STK10: variants seen among roughly 807,000 people sequenced by gnomAD.
The protein encoded by STK10 is serine/threonine kinase 10.
A neutral mutation model predicts 113.8 loss-of-function variants in STK10; 78 were observed. That is an observed-to-expected ratio of 0.69 (90% CI 0.57 to 0.83). STK10 has a LOEUF of 0.83. Ranked by LOEUF, STK10 falls within the 40% of genes least tolerant of loss-of-function variation. The probability of loss-of-function intolerance (pLI) is 0.00; values close to 1 mark genes in which losing one functional copy is unlikely to be tolerated. For missense variants in STK10, 1,109 were observed against 1,280.1 expected, an observed-to-expected ratio of 0.87 and a Z score of 2.04; for synonymous variants, 465 against 494.7, an observed-to-expected ratio of 0.94 and a Z score of 0.80.
At chr5:172,136,808 T>C (rs10074664) in intron 2 of STK10, among the ~76,000 whole-genome samples, 15,097 of 151,262 alleles carry the variant, frequency 0.1, 2,553 homozygotes, top group African/African-American at 0.35. Context: ...CTGTCTTTCA[T>C]GAGAGCCTTT....
At chr5:172,083,539 T>C (rs764403542) in intron 10 of STK10, among the ~76,000 whole-genome samples, 5 of 152,240 alleles carry the variant, frequency 3.3e-5, no homozygotes, top group African/African-American at 7.2e-5. Context: ...AATAAGCTTA[T>C]GTTTTTTGAC....
At chr5:172,081,146 T>C (rs1213599659) in intron 12 of STK10, among the ~76,000 whole-genome samples, 1 of 151,680 alleles carries the variant, frequency 6.6e-6, no homozygotes, top group Non-Finnish European at 1.5e-5. Flanking sequence ...AGGTTAGGAG[T>C]TTGAGACCAG....
intron 10 of STK10, among the ~76,000 whole-genome samples, chr5:172,089,538 G>A (rs1451535595): frequency 6.6e-6 from 1 of 152,000 alleles, no homozygotes; most frequent in African/African-American, 2.4e-5. Flanking sequence ...AGACGGAAAG[G>A]TAGATAGGGA....
At chr5:172,070,972 C>G (rs1488135983) in intron 12 of STK10, among the ~76,000 whole-genome samples, 1 of 151,836 alleles carries the variant, frequency 6.6e-6, no homozygotes, top group Non-Finnish European at 1.5e-5. Flanking sequence ...CTTTGGGAGG[C>G]TGAGGCGGGC....
intron 6 of STK10, among the ~76,000 whole-genome samples, chr5:172,105,974 C>G (rs958874135): frequency 6.6e-6 from 1 of 152,232 alleles, no homozygotes. Flanking sequence ...TGAGGAGACT[C>G]AGCAGTGCCG....
At position 172,055,749 on chromosome 5, in the gene STK10, G is replaced by A. The variant is rs772765671; in HGVS notation, c.2365C>T (p.Gln789Ter). The A allele has an allele frequency of 6.5e-7, 1 of 1,538,684 alleles. No individual in the cohort carries two copies. Among genetic ancestry groups the A allele is most frequent in the East Asian group, 2.4e-5 (1 of 41,512 alleles). ...ACCTTCAGCTGCTCTATCATGCGCT[G>A]GTTGTAGCGCTGCATCTGCTCCCGC... ...KEREQMQRYN[Q>*]RMIEQLKVRQ... The change falls in exon 16 of 19, where the codon CAG becomes TAG. Residue 789 changes from glutamine to a stop codon, truncating the protein, a stop_gained. Transcript: ENST00000176763. LOFTEE classifies it high-confidence loss of function.
chr5:172,154,865 A>T (rs1337137170), intron 2 of STK10, among the ~76,000 whole-genome samples: 1 of 152,148 alleles, frequency 6.6e-6, no homozygotes, highest in Admixed American at 6.6e-5. Context: ...ACCTCACAGA[A>T]TGAAGATTAA....
chr5:172,057,897 T>C (rs1767845162), intron 14 of STK10, among the ~76,000 whole-genome samples: 1 of 152,178 alleles, frequency 6.6e-6, no homozygotes, highest in Non-Finnish European at 1.5e-5. Context: ...ACTGCATCTC[T>C]ACCTTCCTGA....
intron 1 of STK10, among the ~76,000 whole-genome samples, chr5:172,169,233 T>C (rs1009744491): frequency 1.6e-4 from 25 of 152,180 alleles, no homozygotes; most frequent in African/African-American, 6.0e-4. Context: ...CCCCTGGGCA[T>C]CTGCATCACA....
Position 172,091,431 on chromosome 5 carries a change from G to A in STK10, c.1555-1069C>T, listed in dbSNP as rs117964165. 3.4e-4 allele frequency among the ~76,000 whole-genome samples: 52 copies of A among 152,146 alleles called. 1 individual carries two copies. The South Asian group carries it at 5.8e-3, about 17-fold the overall frequency. ...TGGAGGTGTTTGTGTGTCATAATAC[G>A]TGGTACCCTCTGGAAGTTCTCAGCT... On this transcript the variant is annotated intron_variant, in intron 9 of 18. Coordinates refer to ENST00000176763, the MANE Select transcript of STK10 (RefSeq NM_005990.4).
At chr5:172,073,156 T>A (rs903724899) in intron 12 of STK10, among the ~76,000 whole-genome samples, 1 of 151,864 alleles carries the variant, frequency 6.6e-6, no homozygotes. Flanking sequence ...TTTATTTATT[T>A]ATTTATTTTT....
At chr5:172,045,304 C>T (rs1767472769) in intron 18 of STK10, 2 of 579,398 alleles carry the variant, frequency 3.5e-6, no homozygotes, top group Non-Finnish European at 3.2e-6. Flanking sequence ...AAAGCAGATG[C>T]AAATCCCCTG....
rs761628876 is a variant in STK10 at position 172,093,739 on chromosome 5, G to C, written c.1227C>G (p.Pro409=). ...TTGACACGGGTCGGGACTTCCGCAG[G>C]GGCACAGGCACTGCCAGGCCGTTCT... ...GNENGLAVPV[P]LRKSRPVSMD... is the part of the protein sequence containing the mutation. The change falls in exon 9 of 19, where the codon CCC becomes CCG. Residue 409 remains proline, a synonymous_variant. Transcript: ENST00000176763. This position sits in a 1 kb window ranked among gnomAD's most constrained non-coding sequence, Gnocchi z 4.1. 3 of 1,613,376 alleles carry C rather than the reference G, an allele frequency of 1.9e-6. No homozygotes were observed. Among genetic ancestry groups the C allele is most frequent in the Non-Finnish European group, 2.5e-6 (3 of 1,179,348 alleles).
chr5:172,145,997 C>T (rs1429938990), intron 2 of STK10, among the ~76,000 whole-genome samples: 1 of 152,252 alleles, frequency 6.6e-6, no homozygotes, highest in African/African-American at 2.4e-5. Flanking sequence ...TCCCACAGGA[C>T]AGTAAAACAC....
At chr5:172,090,971 C>T (rs13165760) in intron 9 of STK10, among the ~76,000 whole-genome samples, 267 of 145,468 alleles carry the variant, frequency 1.8e-3, no homozygotes, top group African/African-American at 6.4e-3. Flanking sequence ...AAAAGAGCTG[C>T]GTTCTAACCC....
chr5:172,102,251 C>T (rs774161477), intron 7 of STK10, among the ~76,000 whole-genome samples: 27 of 152,028 alleles, frequency 1.8e-4, no homozygotes, highest in East Asian at 5.8e-4. Context: ...GCAGGGACAA[C>T]GGGATTTCCT....
At chr5:172,073,528 C>T (rs2113718447) in intron 12 of STK10, among the ~76,000 whole-genome samples, 1 of 151,992 alleles carries the variant, frequency 6.6e-6, no homozygotes, top group African/African-American at 2.4e-5. Flanking sequence ...AAACTCCTGG[C>T]CTCAAGTGAT....
chr5:172,119,033 G>A (rs1461118655), intron 3 of STK10, among the ~76,000 whole-genome samples: 1 of 152,140 alleles, frequency 6.6e-6, no homozygotes, highest in Non-Finnish European at 1.5e-5. Context: ...GGATGCGGAA[G>A]GGCCAGAGAG....
chr5:172,140,696 CA>C (rs1291410153), intron 2 of STK10, among the ~76,000 whole-genome samples: 1 of 151,940 alleles, frequency 6.6e-6, no homozygotes. Flanking sequence ...GACTCTGTCT[CA>C]AAAATAAATA....
Sources: allele counts gnomAD v4.1 joint callset (sites outside exome capture counted in the v4.1 genomes callset), GRCh38; gene constraint gnomAD v4.1.1; non-coding constraint Gnocchi (gnomAD v3.1); transcripts MANE v1.5; gene names NCBI Gene and HGNC (gene_info 2026-07-23, HGNC 2026-07-21).